Variants in MBTD1 observed in about 807,000 individuals in gnomAD.
MBTD1 encodes mbt domain containing 1, also known as MBT domain-containing protein 1.
Under a neutral mutation model 87.8 loss-of-function variants are expected in MBTD1, and 24 were observed. The ratio of observed to expected loss-of-function variants is 0.27; its 90% CI spans 0.20 to 0.38. The LOEUF (loss-of-function observed/expected upper bound fraction) is 0.38. MBTD1 is among the 10% of genes least tolerant of loss of function. The probability of loss-of-function intolerance (pLI) is 1.00; values close to 1 mark genes in which losing one functional copy is unlikely to be tolerated. For synonymous variants in MBTD1, 237 were observed against 248.6 expected, an observed-to-expected ratio of 0.95 and a Z score of 0.44; for missense variants, 436 against 760.2, an observed-to-expected ratio of 0.57 and a Z score of 5.02.
At chr17:51,260,925 G>A, upstream of MBTD1, 1 of 1,554,174 alleles carries the variant, frequency 6.4e-7, no homozygotes, top group Middle Eastern at 2.0e-4. Context: ...CGAGGCCCGA[G>A]GGTGAGGGAG....
chr17:51,236,439 T>G (rs537569636), intron 2 of MBTD1, among the ~76,000 whole-genome samples: 1 of 152,268 alleles, frequency 6.6e-6, no homozygotes, highest in East Asian at 1.9e-4. Flanking sequence ...GAGACAGGGT[T>G]TCACCATGTT....
chr17:51,207,526 T>C (rs879832269), intron 6 of MBTD1, among the ~76,000 whole-genome samples: 3 of 152,194 alleles, frequency 2.0e-5, no homozygotes, highest in Admixed American at 6.5e-5. Context: ...GGAAAAGCAC[T>C]GGATAAAGTT....
intron 6 of MBTD1, among the ~76,000 whole-genome samples, chr17:51,214,533 A>C (rs943507662): frequency 1.3e-5 from 2 of 152,208 alleles, no homozygotes; most frequent in Non-Finnish European, 2.9e-5. Flanking sequence ...GCTGGAAAAC[A>C]GAAAGTATTT....
rs992766237 is a variant in MBTD1 at position 51,192,515 on chromosome 17, T to C, written c.1691-235A>G. Reference sequence around the variant, plus strand: ...CCAATAAACTTTTAGTATGTAATTTTTAACTCACTAAAATAGTAAGTCTAG... The same window carrying C: ...CCAATAAACTTTTAGTATGTAATTTCTAACTCACTAAAATAGTAAGTCTAG... On this transcript the variant is annotated intron_variant, in intron 15 of 16. Transcript: ENST00000586178. 6.1e-6 allele frequency: 4 copies of C among 658,434 alleles called. No individual in the cohort carries two copies. In the African/African-American group the frequency reaches 7.3e-5, roughly 12 times the overall value. The allele number at this position is 658,434 out of a possible 1,614,324, so 40.8% of individuals were successfully genotyped here. A position where few individuals can be genotyped will look rare whatever the true frequency, so the allele number is the denominator to read the frequency against.
At position 51,259,925 on chromosome 17, in the gene MBTD1, G is replaced by A. The variant is rs940168017; in HGVS notation, c.-203C>T. 4.1e-6 allele frequency: 5 copies of A among 1,218,702 alleles called. No homozygotes were observed. Among genetic ancestry groups the A allele is most frequent in the Admixed American group, 8.4e-5 (2 of 23,682 alleles). The allele number at this position is 1,218,702 out of a possible 1,614,324, so 75.5% of individuals were successfully genotyped here. ...GCGCCCCCTCCCCGGGCTGGGGGCA[G>A]GTGCCTCTCCCCGGGACTGCGGCGA... On this transcript the variant is annotated 5_prime_UTR_variant, in exon 1 of 17. Transcript: ENST00000586178.
intron 10 of MBTD1, 148 bp from the exon 11 acceptor site, chr17:51,202,225 AAT>A: frequency 3.2e-6 from 2 of 618,810 alleles, no homozygotes; most frequent in Non-Finnish European, 5.7e-6. Context: ...AATATTCTTT[AAT>A]AGTCTTTTCT....
At chr17:51,215,521 G>A (rs1316234681) in intron 6 of MBTD1, among the ~76,000 whole-genome samples, 1 of 152,104 alleles carries the variant, frequency 6.6e-6, no homozygotes, top group African/African-American at 2.4e-5. Flanking sequence ...AATGTTCCAG[G>A]AATCTGAGAT....
At position 51,202,036 on chromosome 17, in the gene MBTD1, G is replaced by A. The variant is rs754653480; in HGVS notation, c.1105C>T (p.His369Tyr). ...AAACTTCTTACCTTAGCAAATAAATGTGGTGGTGTATCAAAATGTCCATCC... is the reference window on the plus strand; with the variant it reads ...AAACTTCTTACCTTAGCAAATAAATATGGTGGTGTATCAAAATGTCCATCC... ...KQDGHFDTPP[H>Y]LFAKVKEVDQ... Residue 369 changes from histidine to tyrosine, a missense_variant, in exon 11 of 17, where the codon CAT (histidine) becomes TAT (tyrosine). This residue lies in a region of MBTD1 where 268 missense variants were observed against 401.8 expected (regional missense o/e 0.67). Transcript: ENST00000586178. 1 of 1,606,124 alleles carries A rather than the reference G, an allele frequency of 6.2e-7. No individual in the cohort carries two copies. The highest frequency in any genetic ancestry group is 8.5e-7 in the Non-Finnish European group (1 of 1,173,710).
intron 12 of MBTD1, among the ~76,000 whole-genome samples, chr17:51,200,918 T>C (rs1263134449): frequency 6.6e-6 from 1 of 151,782 alleles, no homozygotes; most frequent in Non-Finnish European, 1.5e-5. Context: ...CCTAGCACTT[T>C]AGGAGGATTG....
chr17:51,260,534 A>G, upstream of MBTD1: 1 of 1,557,356 alleles, frequency 6.4e-7, no homozygotes. Context: ...GCCTGGGCGC[A>G]TGCGCAGCGA....
chr17:51,182,896 CAA>C (rs1468289421), intron 16 of MBTD1, among the ~76,000 whole-genome samples: 1 of 152,150 alleles, frequency 6.6e-6, no homozygotes, highest in African/African-American at 2.4e-5. Flanking sequence ...TCATGTGGAA[CAA>C]TATTAAAATT....
chr17:51,257,607 G>A (rs573435261), intron 2 of MBTD1, among the ~76,000 whole-genome samples: 12 of 152,196 alleles, frequency 7.9e-5, no homozygotes, highest in African/African-American at 2.4e-4. Flanking sequence ...ATATGGCAGC[G>A]TCTTAAAAAT....
chr17:51,248,625 T>C (rs1353216062), intron 2 of MBTD1, among the ~76,000 whole-genome samples: 1 of 152,224 alleles, frequency 6.6e-6, no homozygotes, highest in African/African-American at 2.4e-5. Flanking sequence ...TAAAATCGTA[T>C]GCATATTTTT....
intron 5 of MBTD1, among the ~76,000 whole-genome samples, chr17:51,217,965 A>C (rs995371284): frequency 1.3e-5 from 2 of 152,200 alleles, no homozygotes; most frequent in Admixed American, 6.5e-5. Context: ...TCTTTGGTTA[A>C]GGGGAACAAA....
Position 51,217,363 on chromosome 17 carries a change from T to C in MBTD1, c.457A>G (p.Ile153Val), listed in dbSNP as rs917578084. The C allele has an allele frequency of 1.3e-6, 2 of 1,540,834 alleles. No individual in the cohort carries two copies. The highest frequency in any genetic ancestry group is 2.0e-5 in the Admixed American group (1 of 48,914). Residue 153 changes from isoleucine to valine, a missense_variant, in exon 6 of 17, where the codon ATA (isoleucine) becomes GTA (valine). By Grantham distance (29) the Ile-to-Val change is conservative (BLOSUM62 3). Around this residue, in one of 5 missense-constraint regions of MBTD1, gnomAD observed 268 missense variants for 401.8 expected, o/e 0.67. Coordinates refer to ENST00000586178, the MANE Select transcript of MBTD1 (RefSeq NM_017643.3). Reference sequence around the variant, plus strand: ...TTAAAACAGGTAACCGGAGCTGCTATAAAGCTATTGCTATTGATGTAGTTA... The same window carrying C: ...TTAAAACAGGTAACCGGAGCTGCTACAAAGCTATTGCTATTGATGTAGTTA... The part of the protein sequence containing the change: ...WGNYINSNSF[I>V]AAPVTCFKHA...
intron 3 of MBTD1, among the ~76,000 whole-genome samples, chr17:51,223,478 G>GT (rs1314611547): frequency 1.3e-5 from 2 of 152,072 alleles, no homozygotes; most frequent in African/African-American, 4.8e-5. Flanking sequence ...AGAGATTGCA[G>GT]TGAGTCGAGA....
chr17:51,201,986 A>T, intron 11 of MBTD1, 36 bp downstream of exon 11: 1 of 1,436,528 alleles, frequency 7.0e-7, no homozygotes, highest in Non-Finnish European at 9.8e-7. Flanking sequence ...TTTCAAACCT[A>T]ATTTACAAAT....
rs1029330647 is a variant in MBTD1, at chr17:51,187,589, C to T, written c.1768+4614G>A. Among the ~76,000 whole-genome samples the T allele has an allele frequency of 1.2e-4, 19 of 152,158 alleles. 1 individual carries two copies. The highest frequency in any genetic ancestry group is 4.6e-4 in the African/African-American group (19 of 41,502). On this transcript the variant is annotated intron_variant, in intron 16 of 16. Coordinates refer to ENST00000586178, the MANE Select transcript of MBTD1 (RefSeq NM_017643.3). Reference sequence around the variant, plus strand: ...GATCAGCAGGGTACAGTGGCTCACACCTATGATCCCAGCACTTTGGGAGGC... The same window carrying T: ...GATCAGCAGGGTACAGTGGCTCACATCTATGATCCCAGCACTTTGGGAGGC...
At chr17:51,220,736 C>T (rs535624683) in intron 3 of MBTD1, among the ~76,000 whole-genome samples, 8 of 152,134 alleles carry the variant, frequency 5.3e-5, no homozygotes, top group African/African-American at 7.2e-5. Context: ...AGGGCAGATA[C>T]GCTGGATTCA....
Sources: gnomAD v4.1 joint callset for allele counts (sites outside exome capture counted in the v4.1 genomes callset) on GRCh38, gnomAD v4.1.1 for gene constraint, gnomAD v4.1.1 regional missense constraint, MANE v1.5 for transcripts, NCBI Gene and HGNC (gene_info 2026-07-23, HGNC 2026-07-21) for gene names.